ANXA11: variants seen among roughly 807,000 people sequenced by gnomAD.
The protein encoded by ANXA11 is annexin A11, also known as 56 kDa autoantigen.
In ANXA11, 57 loss-of-function variants were observed where a neutral mutation model predicts 64.7. The ratio of observed to expected loss-of-function variants is 0.88; its 90% CI spans 0.71 to 1.10. The LOEUF is 1.10. Among genes scored for constraint, ANXA11 ranks in the 50% least tolerant of loss-of-function variants. ANXA11 has a pLI of 0.00. For missense variants in ANXA11, 675 were observed against 670.7 expected (o/e 1.01, Z -0.07); for synonymous variants, 260 against 265.2 (o/e 0.98, Z 0.19).
In ANXA11 at chr10:80,163,605, T is replaced by G; in HGVS notation, c.958A>C (p.Lys320Gln). Residue 320 changes from lysine to glutamine, a missense_variant, in exon 10 of 16, where the codon AAG becomes CAG. Lys to Gln is a moderately conservative substitution (Grantham distance 53). Coordinates refer to ENST00000422982, the MANE Select transcript of ANXA11 (RefSeq NM_145868.2). ...LNRAYKAEFKKTLEEAIRSDT... is the reference protein window; with the variant it reads ...LNRAYKAEFKQTLEEAIRSDT... The stretch of plus-strand genomic sequence containing the variant: ...CTTCGAATGGCCTCTTCCAGGGTCT[T>G]TTTGAATTCTGAAAGGGAGAAGCAA... The G allele has an allele frequency of 6.4e-7, 1 of 1,553,622 alleles. No homozygotes were observed.
At chr10:80,163,144 A>G (rs1845579928) in intron 11 of ANXA11, among the ~76,000 whole-genome samples, 1 of 152,112 alleles carries the variant, frequency 6.6e-6, no homozygotes, top group Admixed American at 6.5e-5. Context: ...GTTCCCTCCT[A>G]TAGGTGGGGA....
chr10:80,169,202 C>T lies in ANXA11; in HGVS notation c.328G>A (p.Gly110Arg), dbSNP rs781337544. Residue 110 changes from glycine (G) to arginine (R), a missense_variant, in exon 5 of 16, where the codon GGA becomes AGA. Gly to Arg is a moderately radical substitution (Grantham distance 125). Coordinates refer to ENST00000422982, the MANE Select transcript of ANXA11 (RefSeq NM_145868.2). The part of the protein sequence containing the change: ...VPPYGMYPPP[G>R]GNPPSRMPSY... ...GGCATCCTGGAGGGTGGGTTTCCTC[C>T]TGGGGGTGGATACATCCCATAGGGA... 2 of 1,608,450 alleles carry T rather than the reference C, an allele frequency of 1.2e-6. No individual in the cohort carries two copies. Among genetic ancestry groups the T allele is most frequent in the South Asian group, 2.2e-5 (2 of 90,640 alleles).
intron 1 of ANXA11, among the ~76,000 whole-genome samples, chr10:80,192,740 T>G (rs1846828848): frequency 6.6e-6 from 1 of 152,180 alleles, no homozygotes; most frequent in South Asian, 2.1e-4. Context: ...TGTTCAGTGT[T>G]CAGAAAGGAA....
upstream of ANXA11, among the ~76,000 whole-genome samples, chr10:80,205,729 T>C (rs1251791823): frequency 6.6e-6 from 1 of 152,054 alleles, no homozygotes; most frequent in Non-Finnish European, 1.5e-5. Context: ...CGGCGCCCAG[T>C]GCCGCGCAGA....
intron 12 of ANXA11, among the ~76,000 whole-genome samples, chr10:80,159,786 C>T (rs1845432453): frequency 6.6e-6 from 1 of 152,186 alleles, no homozygotes; most frequent in Non-Finnish European, 1.5e-5. Context: ...CAAATCGCAC[C>T]TTAATACCCC....
chr10:80,160,483 T>C (rs763546514), intron 12 of ANXA11, among the ~76,000 whole-genome samples: 3 of 151,778 alleles, frequency 2.0e-5, no homozygotes, highest in Non-Finnish European at 4.4e-5. Context: ...GGTCGCTGGG[T>C]TTTCACCCTC....
chr10:80,191,253 A>C (rs1846762349), intron 1 of ANXA11, among the ~76,000 whole-genome samples: 1 of 152,016 alleles, frequency 6.6e-6, no homozygotes, highest in Admixed American at 6.5e-5. Flanking sequence ...AAATTCAAAA[A>C]TTAGCCAGGC....
intron 2 of ANXA11, 190 bp from the exon 3 acceptor site, chr10:80,173,059 C>A (rs1281603747): frequency 1.6e-5 from 9 of 563,932 alleles, no homozygotes; most frequent in Non-Finnish European, 2.8e-5. Context: ...ACAGTACCCA[C>A]CAGCATGCTG....
chr10:80,169,121 C>CG lies in ANXA11; in HGVS notation c.408dup (p.Gly137ArgfsTer60), dbSNP rs771435989. 1.3e-6 allele frequency: 2 copies of CG among 1,542,484 alleles called. No homozygotes were observed. ...GGGTAGGCCCCTGGGGGCTGCTGTC[C>CG]GGGGGGTGGCATGGGCTGGCCCGGC... is the stretch of plus-strand genomic sequence containing the variant. On this transcript the variant is annotated frameshift_variant, in exon 5 of 16. Coordinates refer to ENST00000422982, the MANE Select transcript of ANXA11 (RefSeq NM_145868.2). LOFTEE classifies it high-confidence loss of function.
At position 80,170,828 on chromosome 10, in the gene ANXA11, T is replaced by G; in HGVS notation, c.143A>C (p.Gln48Pro). ...GLDNVATYAG[Q>P]FNQDYLSGMA... The stretch of plus-strand genomic sequence containing the variant: ...TCCCGAGAGATAGTCCTGGTTGAAC[T>G]GCCCCGCATAGGTGGCCACGTTATC... The change falls in exon 4 of 16, where the codon CAG becomes CCG. Residue 48 changes from glutamine (Q) to proline (P), a missense_variant. Transcript: ENST00000422982. The G allele has an allele frequency of 6.7e-7, 1 of 1,491,492 alleles. No individual in the cohort carries two copies. Among genetic ancestry groups the G allele is most frequent in the Non-Finnish European group, 8.9e-7 (1 of 1,121,442 alleles). The allele number at this position is 1,491,492 out of a possible 1,614,324, so 92.4% of individuals were successfully genotyped here. A position where few individuals can be genotyped will look rare whatever the true frequency, so the allele number is the denominator to read the frequency against.
intron 1 of ANXA11, chr10:80,204,946 C>A (rs1840604961): frequency 6.6e-6 from 1 of 152,230 alleles, no homozygotes; most frequent in African/African-American, 2.4e-5. Flanking sequence ...GGCGCGCGCA[C>A]CCTGGAGGGC....
At chr10:80,204,558 GC>G (rs753735745) in intron 1 of ANXA11, among the ~76,000 whole-genome samples, 112 of 152,360 alleles carry the variant, frequency 7.4e-4, no homozygotes, top group Non-Finnish European at 1.3e-3. Flanking sequence ...AGACAGAAAT[GC>G]CCCGGGCTGA....
Position 80,163,609 on chromosome 10 carries a change from G to C in ANXA11, c.954C>G (p.Phe318Leu). Reference protein sequence around the residue: ...RELNRAYKAEFKKTLEEAIRS... With the variant: ...RELNRAYKAELKKTLEEAIRS... ...GAATGGCCTCTTCCAGGGTCTTTTT[G>C]AATTCTGAAAGGGAGAAGCAAGGAA... The change falls in exon 10 of 16, where the codon TTC becomes TTG. Residue 318 changes from phenylalanine (F) to leucine (L), a missense_variant. Coordinates refer to ENST00000422982, the MANE Select transcript of ANXA11 (RefSeq NM_145868.2). 1 of 1,553,012 alleles carries C rather than the reference G, an allele frequency of 6.4e-7. No individual in the cohort carries two copies. Among genetic ancestry groups the C allele is most frequent in the African/African-American group, 1.4e-5 (1 of 73,268 alleles).
chr10:80,198,493 A>G (rs978036750), intron 1 of ANXA11, among the ~76,000 whole-genome samples: 1 of 152,230 alleles, frequency 6.6e-6, no homozygotes, highest in Non-Finnish European at 1.5e-5. Flanking sequence ...GGCATTATAC[A>G]ATATGGGAGC....
rs763231253 is a variant in ANXA11 at position 80,169,290 on chromosome 10, AGCCCCAGGG to A, written c.231_239del (p.Pro78_Ala80del). On this transcript the variant is annotated inframe_deletion, in exon 5 of 16. Transcript: ENST00000422982. ...CGCCAGGGGGCACTGGTGGGTAGCCAGCCCCAGGGGCCCCAGGGTACAGGTTGGGCATGT... is the reference window on the plus strand; with the variant it reads ...CGCCAGGGGGCACTGGTGGGTAGCCAGCCCCAGGGTACAGGTTGGGCATGT... 131 of 1,611,516 alleles carry A rather than the reference AGCCCCAGGG, an allele frequency of 8.1e-5. 1 individual carries two copies. The African/African-American group carries it at 1.2e-3, about 15-fold the overall frequency.
At position 80,157,886 on chromosome 10, in the gene ANXA11, A is replaced by G. The variant is rs1481413359; in HGVS notation, c.1335+81T>C. The G allele has an allele frequency of 1.9e-6, 3 of 1,594,504 alleles. No individual in the cohort carries two copies. In the African/African-American group the frequency reaches 4.0e-5, roughly 21 times the overall value. On this transcript the variant is annotated intron_variant, in intron 14 of 15. Coordinates refer to ENST00000422982, the MANE Select transcript of ANXA11 (RefSeq NM_145868.2). ...TCTCAGCTGAGATTTAGCTCTCCCC[A>G]GGCCTTCTGCCCTCAGCCCTTGGTC...
chr10:80,179,114 A>G (rs1846270676), intron 1 of ANXA11, among the ~76,000 whole-genome samples: 1 of 152,190 alleles, frequency 6.6e-6, no homozygotes. Context: ...TGACTGGATC[A>G]TGGGGGCAGA....
chr10:80,156,951 G>T (rs1413355280), intron 15 of ANXA11: 2 of 983,392 alleles, frequency 2.0e-6, no homozygotes, highest in Non-Finnish European at 1.2e-6. Context: ...CAAGGCTCAT[G>T]TGAGTTCAGA....
intron 1 of ANXA11, among the ~76,000 whole-genome samples, chr10:80,187,070 C>T (rs561144495): frequency 1.7e-4 from 26 of 152,332 alleles, no homozygotes; most frequent in African/African-American, 3.1e-4. Context: ...TCCTGGAGGA[C>T]GCTGAGGTTC....
Sources: gnomAD v4.1 joint callset for allele counts (sites outside exome capture counted in the v4.1 genomes callset) on GRCh38, gnomAD v4.1.1 for gene constraint, MANE v1.5 for transcripts, NCBI Gene and HGNC (gene_info 2026-07-23, HGNC 2026-07-21) for gene names.